Variants in CDH7 observed in about 807,000 individuals in gnomAD.
CDH7 encodes cadherin-7.
In CDH7, 25 loss-of-function variants were observed where a neutral mutation model predicts 71.8. That is an observed-to-expected ratio of 0.35 (90% confidence interval 0.25 to 0.49). The LOEUF is 0.49. Among genes scored for constraint, CDH7 ranks in the 20% least tolerant of loss-of-function variants. CDH7 has a pLI of 0.99. For missense variants in CDH7, 862 were observed against 974.6 expected, an observed-to-expected ratio of 0.88 and a Z score of 1.54; for synonymous variants, 381 against 363.8, an observed-to-expected ratio of 1.05 and a Z score of -0.54.
Position 65,858,905 on chromosome 18 carries a change from G to A in CDH7, c.1373-20G>A. 6.2e-7 allele frequency: 1 copy of A among 1,607,682 alleles called. No homozygotes were observed. The highest frequency in any genetic ancestry group is 8.5e-7 in the Non-Finnish European group (1 of 1,175,176). ...TAGATGGGCAAAGAGTAAATGATAA[G>A]ACACTGTCTTATTTATTAGAGAATC... On this transcript the variant is annotated intron_variant, in intron 8 of 11. Coordinates refer to ENST00000397968, the MANE Select transcript of CDH7 (RefSeq NM_004361.5).
chr18:65,838,065 C>T (rs1030720440), intron 6 of CDH7, among the ~76,000 whole-genome samples: 1 of 151,808 alleles, frequency 6.6e-6, no homozygotes, highest in Non-Finnish European at 1.5e-5. Flanking sequence ...GCTGGGATTA[C>T]AGGCACGTGC....
chr18:65,750,990 C>G (rs988542909), upstream of CDH7: 2 of 152,210 alleles, frequency 1.3e-5, no homozygotes, highest in Non-Finnish European at 2.9e-5. Flanking sequence ...CGGGCCCGAG[C>G]GGGTGTCGAG....
intron 2 of CDH7, among the ~76,000 whole-genome samples, chr18:65,769,465 A>C (rs1916479003): frequency 6.6e-6 from 1 of 152,196 alleles, no homozygotes; most frequent in African/African-American, 2.4e-5. Context: ...ATAAGTTGCA[A>C]AGTGCTATTC....
At chr18:65,805,490 A>G (rs1374232088) in intron 2 of CDH7, among the ~76,000 whole-genome samples, 1 of 152,242 alleles carries the variant, frequency 6.6e-6, no homozygotes, top group African/African-American at 2.4e-5. Flanking sequence ...GCAATTAAAT[A>G]TATTTGGTGA....
At chr18:65,853,619 G>A (rs1157660818) in intron 7 of CDH7, among the ~76,000 whole-genome samples, 1 of 151,636 alleles carries the variant, frequency 6.6e-6, no homozygotes, top group Non-Finnish European at 1.5e-5. Context: ...TTGCCATTAA[G>A]AAATGTAAAA....
chr18:65,831,035 T>C (rs1225330722), intron 6 of CDH7, among the ~76,000 whole-genome samples: 1 of 152,124 alleles, frequency 6.6e-6, no homozygotes, highest in Non-Finnish European at 1.5e-5. Flanking sequence ...TAAAAGAATC[T>C]ACCTTACACT....
chr18:65,794,488 G>A (rs1910834837), intron 2 of CDH7, among the ~76,000 whole-genome samples: 1 of 151,968 alleles, frequency 6.6e-6, no homozygotes, highest in Non-Finnish European at 1.5e-5. Context: ...AGCAGTAATG[G>A]GTGGAGTGGA....
At chr18:65,762,465 A>C (rs577364449) in intron 1 of CDH7, among the ~76,000 whole-genome samples, 182 bp from the exon 2 acceptor site, 1 of 152,274 alleles carries the variant, frequency 6.6e-6, no homozygotes, top group African/African-American at 2.4e-5. Flanking sequence ...TCACAAATAT[A>C]TCAATGTATA....
intron 7 of CDH7, among the ~76,000 whole-genome samples, chr18:65,852,523 A>G (rs190723871): frequency 4.3e-4 from 66 of 152,184 alleles, no homozygotes; most frequent in Admixed American, 4.3e-3. Flanking sequence ...GATCTCTTCC[A>G]TTGTGTTTGT....
chr18:65,758,030 G>T (rs911346219), intron 1 of CDH7, among the ~76,000 whole-genome samples: 2 of 152,142 alleles, frequency 1.3e-5, no homozygotes, highest in Non-Finnish European at 2.9e-5. Flanking sequence ...TTAATCCATT[G>T]TGAAAAGTCA....
intron 1 of CDH7, among the ~76,000 whole-genome samples, chr18:65,755,354 TC>T (rs1916001762): frequency 6.6e-6 from 1 of 152,234 alleles, no homozygotes; most frequent in Admixed American, 6.5e-5. Context: ...AAACATGTCA[TC>T]AATCTGTGGT....
At chr18:65,785,720 G>T (rs1910489507) in intron 2 of CDH7, among the ~76,000 whole-genome samples, 1 of 151,792 alleles carries the variant, frequency 6.6e-6, no homozygotes, top group African/African-American at 2.4e-5. Flanking sequence ...CATTATGGAG[G>T]GAGTATTAAT....
At chr18:65,801,504 A>G (rs1911123418) in intron 2 of CDH7, among the ~76,000 whole-genome samples, 2 of 152,342 alleles carry the variant, frequency 1.3e-5, no homozygotes, top group East Asian at 3.9e-4. Flanking sequence ...AATAAATATT[A>G]CCGAATAGCA....
intron 1 of CDH7, among the ~76,000 whole-genome samples, chr18:65,760,565 TTA>T (rs1916161712): frequency 6.6e-6 from 1 of 152,140 alleles, no homozygotes; most frequent in Non-Finnish European, 1.5e-5. Flanking sequence ...GCCAAAGTGT[TTA>T]TGTCATTGTC....
At chr18:65,809,634 T>G (rs1295212313) in intron 2 of CDH7, 70 bp from the exon 3 acceptor site, 1 of 1,303,332 alleles carries the variant, frequency 7.7e-7, no homozygotes, top group Non-Finnish European at 1.1e-6. Context: ...ACATAAGAAT[T>G]ATTTTTACAT....
chr18:65,762,810 T>C lies in CDH7; in HGVS notation c.-33T>C. 1 of 1,588,722 alleles carries C rather than the reference T, an allele frequency of 6.3e-7. No homozygotes were observed. The stretch of plus-strand genomic sequence containing the variant: ...TGCCTTTTCTCTTGTCAAGGTTTTT[T>C]TCTTACACAGGAAAAAGAAAGAAAA... On this transcript the variant is annotated 5_prime_UTR_variant, in exon 2 of 12. Coordinates refer to ENST00000397968, the MANE Select transcript of CDH7 (RefSeq NM_004361.5).
Position 65,880,691 on chromosome 18 carries a change from G to A in CDH7, c.2155G>A (p.Asp719Asn), listed in dbSNP as rs763071382. 26 of 1,613,912 alleles carry A rather than the reference G, an allele frequency of 1.6e-5. No homozygotes were observed. In the South Asian group the frequency reaches 2.2e-4, roughly 14 times the overall value. Residue 719 changes from aspartate to asparagine, a missense_variant, in exon 12 of 12, where the codon GAT becomes AAT. Asp to Asn is a conservative substitution (Grantham distance 23). Transcript: ENST00000397968. The part of the protein sequence containing the change: ...EFIWERLKEA[D>N]VDPGAPPYDS... The stretch of plus-strand genomic sequence containing the variant: ...TATTTGGGAAAGATTAAAAGAAGCC[G>A]ATGTTGATCCTGGTGCTCCTCCTTA...
intron 4 of CDH7, among the ~76,000 whole-genome samples, chr18:65,816,943 C>A (rs1163039376): frequency 1.3e-5 from 2 of 152,146 alleles, no homozygotes; most frequent in Admixed American, 6.5e-5. Context: ...TATTTTGTAA[C>A]CTGCAAGCAA....
At chr18:65,826,897 T>C (rs1481863811) in intron 6 of CDH7, among the ~76,000 whole-genome samples, 6 of 132,600 alleles carry the variant, frequency 4.5e-5, no homozygotes, top group Non-Finnish European at 8.1e-5. Context: ...AGTTCTTAAG[T>C]TTGTGTATTG....
Sources: allele counts gnomAD v4.1 joint callset (sites outside exome capture counted in the v4.1 genomes callset), GRCh38; gene constraint gnomAD v4.1.1; transcripts MANE v1.5; gene names NCBI Gene and HGNC (gene_info 2026-07-23, HGNC 2026-07-21).